Variants in DAGLA observed in about 807,000 individuals in gnomAD.
DAGLA encodes diacylglycerol lipase alpha.
DAGLA carries 22 observed loss-of-function variants against 102.6 expected under a neutral mutation model. That is an observed-to-expected ratio of 0.21 (90% CI 0.15 to 0.31). DAGLA has a LOEUF of 0.31. Ranked by LOEUF, DAGLA falls within the 10% of genes least tolerant of loss-of-function variation. The pLI is 1.00. For missense variants in DAGLA, 927 were observed against 1,446.6 expected, an observed-to-expected ratio of 0.64 and a Z score of 5.83; for synonymous variants, 578 against 628.9, an observed-to-expected ratio of 0.92 and a Z score of 1.21.
chr11:61,695,164 C>T (rs533834150), intron 1 of DAGLA, among the ~76,000 whole-genome samples: 1 of 152,324 alleles, frequency 6.6e-6, no homozygotes, highest in South Asian at 2.1e-4. Context: ...GGAATCTGGC[C>T]CTGCACAAGG....
Position 61,735,604 on chromosome 11 carries a change from A to G in DAGLA, c.1172A>G (p.Lys391Arg). ...TACGTGGCGGTGGACCATGACAAGA[A>G]GAAAGTGGTGATCAGTATCCGGGGG... ...PFYVAVDHDK[K>R]KVVISIRGTL... Residue 391 changes from lysine (K) to arginine (R), a missense_variant, in exon 11 of 20, where the codon AAG (lysine) becomes AGG (arginine). Lys to Arg is a conservative substitution (Grantham distance 26). Around this residue, in one of 4 missense-constraint regions of DAGLA, gnomAD observed 218 missense variants for 459.6 expected, o/e 0.47. Coordinates refer to ENST00000257215, the MANE Select transcript of DAGLA (RefSeq NM_006133.3). 6.2e-7 allele frequency: 1 copy of G among 1,614,076 alleles called. No homozygotes were observed. Among genetic ancestry groups the G allele is most frequent in the Non-Finnish European group, 8.5e-7 (1 of 1,179,950 alleles).
rs540030080 is a variant in DAGLA, at chr11:61,725,899, C to T, written c.549-96C>T. The T allele has an allele frequency of 4.2e-4, 487 of 1,164,790 alleles. No individual in the cohort carries two copies. The African/African-American group carries it at 6.7e-3, about 16-fold the overall frequency. 72.2% of individuals were successfully genotyped at this position (1,164,790 alleles called of 1,614,324 possible). The stretch of plus-strand genomic sequence containing the variant: ...CACTGCGGGAACCCTTTGGTAGGGT[C>T]CTGGGAACAGCCTGCCCTGTTTCCA... On this transcript the variant is annotated intron_variant, in intron 5 of 19. Transcript: ENST00000257215.
chr11:61,739,379 A>T, intron 16 of DAGLA, 86 bp from the exon 17 acceptor site: 3 of 1,297,272 alleles, frequency 2.3e-6, no homozygotes, highest in Non-Finnish European at 3.2e-6. Flanking sequence ...TCACCTGCTG[A>T]GCCCCCCTTC....
chr11:61,740,267 C>G (rs756918998), intron 17 of DAGLA, among the ~76,000 whole-genome samples, 196 bp from the exon 18 acceptor site: 4 of 152,198 alleles, frequency 2.6e-5, no homozygotes, highest in South Asian at 2.1e-4. Flanking sequence ...GGCTGAGGCT[C>G]GAGGTCAGCC....
At chr11:61,709,306 G>T (rs554624973) in intron 1 of DAGLA, among the ~76,000 whole-genome samples, 1 of 152,084 alleles carries the variant, frequency 6.6e-6, no homozygotes. Context: ...GTGCAATGTC[G>T]CAATCTTCGC....
At position 61,710,361 on chromosome 11, in the gene DAGLA, C is replaced by T. The variant is rs982285466; in HGVS notation, c.-44-9751C>T. Among the ~76,000 whole-genome samples, 4 of 152,008 alleles carry T rather than the reference C, an allele frequency of 2.6e-5. No homozygotes were observed. In the South Asian group the frequency reaches 8.3e-4, roughly 32 times the overall value. ...AGATGGGCTTAAAGGGAGGGGGGAC[C>T]GCTACCTCTCAGGGCATCCTGCGTT... On this transcript the variant is annotated intron_variant, in intron 1 of 19. Coordinates refer to ENST00000257215, the MANE Select transcript of DAGLA (RefSeq NM_006133.3).
At chr11:61,725,852 G>A (rs983389860) in intron 5 of DAGLA, 143 bp from the exon 6 acceptor site, 23 of 739,598 alleles carry the variant, frequency 3.1e-5, no homozygotes, top group Non-Finnish European at 5.1e-5. Context: ...GCAGGGCCTG[G>A]GCCCTGTTCT....
At chr11:61,682,289 A>T (rs2064949419) in intron 1 of DAGLA, among the ~76,000 whole-genome samples, 2 of 152,174 alleles carry the variant, frequency 1.3e-5, no homozygotes, top group Non-Finnish European at 2.9e-5. Context: ...AAGGTCAGAG[A>T]GTCTCATCAA....
chr11:61,695,836 G>C (rs2065060252), intron 1 of DAGLA, among the ~76,000 whole-genome samples: 1 of 152,172 alleles, frequency 6.6e-6, no homozygotes, highest in South Asian at 2.1e-4. Flanking sequence ...GGCAGGGGCA[G>C]GGCCCTTCAG....
At position 61,734,740 on chromosome 11, in the gene DAGLA, G is replaced by A; in HGVS notation, c.975-109G>A. Reference sequence around the variant, plus strand: ...GACTTAGCAAGGGCAATTTGGTAGAGGCAGTGGGGCTGAATGCCCAACTGG... The same window carrying A: ...GACTTAGCAAGGGCAATTTGGTAGAAGCAGTGGGGCTGAATGCCCAACTGG... On this transcript the variant is annotated intron_variant, in intron 9 of 19. Coordinates refer to ENST00000257215, the MANE Select transcript of DAGLA (RefSeq NM_006133.3). The surrounding 1 kb of genome is among the most constrained non-coding windows in gnomAD (Gnocchi z 4.2). 2 of 1,069,212 alleles carry A rather than the reference G, an allele frequency of 1.9e-6. No homozygotes were observed. The highest frequency in any genetic ancestry group is 2.9e-5 in the South Asian group (2 of 69,184). The allele number at this position is 1,069,212 out of a possible 1,614,324, so 66.2% of individuals were successfully genotyped here. A position where few individuals can be genotyped will look rare whatever the true frequency, so the allele number is the denominator to read the frequency against.
Position 61,725,199 on chromosome 11 carries a change from G to A in DAGLA, c.549-796G>A, listed in dbSNP as rs146477422. ...CGGTTTGGAGGTCTGCACTTTTAAT[G>A]TTGGATCTGTTATCTTTATGCTCAA... On this transcript the variant is annotated intron_variant, in intron 5 of 19. Coordinates refer to ENST00000257215, the MANE Select transcript of DAGLA (RefSeq NM_006133.3). Among the ~76,000 whole-genome samples the A allele has an allele frequency of 7.9e-3, 1,198 of 152,290 alleles. 4 individuals carry two copies. The highest frequency in any genetic ancestry group is 0.027 in the Middle Eastern group (8 of 294).
At chr11:61,688,910 C>T (rs1043476555) in intron 1 of DAGLA, among the ~76,000 whole-genome samples, 4 of 152,236 alleles carry the variant, frequency 2.6e-5, no homozygotes, top group African/African-American at 4.8e-5. Flanking sequence ...CAGCTTTACT[C>T]GGAGCGCATT....
intron 1 of DAGLA, among the ~76,000 whole-genome samples, chr11:61,700,054 G>A (rs1035402423): frequency 6.6e-6 from 1 of 152,176 alleles, no homozygotes; most frequent in Non-Finnish European, 1.5e-5. Context: ...GCCCGGCCTC[G>A]CCCGCGCAGA....
intron 1 of DAGLA, among the ~76,000 whole-genome samples, chr11:61,716,023 C>T (rs914658214): frequency 7.2e-5 from 11 of 152,136 alleles, no homozygotes; most frequent in African/African-American, 2.7e-4. Context: ...AAGGGAGGGA[C>T]GTTTCCCCAG....
At chr11:61,742,221 C>T (rs1164598886) in intron 19 of DAGLA, among the ~76,000 whole-genome samples, 4 of 152,200 alleles carry the variant, frequency 2.6e-5, no homozygotes, top group Admixed American at 1.3e-4. Flanking sequence ...TGAACAGAGG[C>T]GTGCACACAT....
At chr11:61,718,853 G>A (rs1318667083) in intron 1 of DAGLA, among the ~76,000 whole-genome samples, 4 of 152,188 alleles carry the variant, frequency 2.6e-5, no homozygotes, top group Admixed American at 6.5e-5. Flanking sequence ...CTGGCCCCAC[G>A]CCCTCTCGCC....
chr11:61,681,654 G>A (rs2064943311), intron 1 of DAGLA, among the ~76,000 whole-genome samples: 2 of 152,034 alleles, frequency 1.3e-5, no homozygotes, highest in South Asian at 2.1e-4. Context: ...GATCGATTGG[G>A]GTATGCTTGA....
chr11:61,716,141 C>T (rs1430286204), intron 1 of DAGLA, among the ~76,000 whole-genome samples: 2 of 151,988 alleles, frequency 1.3e-5, no homozygotes. Context: ...GGTGCTGGAG[C>T]CAGGCACTGC....
intron 1 of DAGLA, among the ~76,000 whole-genome samples, chr11:61,718,883 A>T (rs777118736): frequency 5.9e-5 from 9 of 152,182 alleles, no homozygotes; most frequent in Admixed American, 3.9e-4. Flanking sequence ...GGCTATGCCC[A>T]CTGGCCAAGG....
Sources: gnomAD v4.1 joint callset for allele counts (sites outside exome capture counted in the v4.1 genomes callset) on GRCh38, gnomAD v4.1.1 for gene constraint, gnomAD v4.1.1 regional missense constraint, Gnocchi (gnomAD v3.1) non-coding constraint, MANE v1.5 for transcripts, NCBI Gene and HGNC (gene_info 2026-07-23, HGNC 2026-07-21) for gene names.